The following BAZ2B variants were observed in gnomAD, a reference collection of about 807,000 sequenced individuals.
The protein encoded by BAZ2B is bromodomain adjacent to zinc finger domain protein 2B.
In BAZ2B, 91 loss-of-function variants were observed where a neutral mutation model predicts 246.0. That is an observed-to-expected ratio of 0.37 (90% CI 0.31 to 0.44). The LOEUF (loss-of-function observed/expected upper bound fraction) is 0.44, where lower values mean the gene tolerates loss of function less well. Ranked by LOEUF, BAZ2B falls within the 20% of genes least tolerant of loss-of-function variation. The pLI, the probability that BAZ2B is intolerant of heterozygous loss-of-function variation, is 1.00. For missense variants in BAZ2B, 2,332 were observed against 2,533.7 expected, an observed-to-expected ratio of 0.92 and a Z score of 1.71; for synonymous variants, 855 against 860.0, an observed-to-expected ratio of 0.99 and a Z score of 0.10.
the BAZ2B span, among the ~76,000 whole-genome samples, chr2:159,703,152 T>C: frequency 3.9e-5 from 6 of 152,028 alleles, no homozygotes; most frequent in African/African-American, 1.2e-4. Context: ...AGTGGTGCAA[T>C]CTCTACTTAC....
At chr2:159,637,506 G>T in the BAZ2B span, among the ~76,000 whole-genome samples, 1 of 152,344 alleles carries the variant, frequency 6.6e-6, no homozygotes, top group South Asian at 2.1e-4. Context: ...CCTCTATATT[G>T]TGGTTTGAGT....
chr2:159,594,633 GTTT>G (rs57735673), intron 1 of BAZ2B, among the ~76,000 whole-genome samples: 2 of 148,450 alleles, frequency 1.3e-5, no homozygotes, highest in Admixed American at 6.7e-5. Context: ...TATTTTGACA[GTTT>G]TTTTTTTTTT....
At chr2:159,476,174 G>A (rs534612925) in intron 3 of BAZ2B, among the ~76,000 whole-genome samples, 5 of 152,124 alleles carry the variant, frequency 3.3e-5, no homozygotes, top group Non-Finnish European at 5.9e-5. Flanking sequence ...CTGTCCCAGG[G>A]GTATGGGAGT....
intron 3 of BAZ2B, among the ~76,000 whole-genome samples, chr2:159,470,082 G>A (rs1004057316): frequency 4.6e-5 from 7 of 152,100 alleles, no homozygotes; most frequent in African/African-American, 1.4e-4. Flanking sequence ...ATTCTGAAAG[G>A]ATAACCCATC....
intron 1 of BAZ2B, among the ~76,000 whole-genome samples, chr2:159,579,451 C>T (rs1016726897): frequency 6.6e-6 from 1 of 152,014 alleles, no homozygotes; most frequent in African/African-American, 2.4e-5. Flanking sequence ...CCAACGAAAA[C>T]AAGTCCAGGA....
intron 4 of BAZ2B, among the ~76,000 whole-genome samples, chr2:159,449,460 T>C (rs1342060887): frequency 6.6e-6 from 1 of 152,172 alleles, no homozygotes; most frequent in Non-Finnish European, 1.5e-5. Context: ...CTTTATATTA[T>C]ATAATATTAA....
the BAZ2B span, among the ~76,000 whole-genome samples, chr2:159,648,569 C>G: frequency 0.25 from 37,483 of 152,102 alleles, 5,966 homozygotes; most frequent in Admixed American, 0.43. Flanking sequence ...TAAATAAGAT[C>G]ATATACTATG....
chr2:159,382,789 G>T lies in BAZ2B; in HGVS notation c.3775C>A (p.His1259Asn). The change falls in exon 25 of 37, where the codon CAT (histidine) becomes AAT (asparagine). Residue 1259 changes from histidine (H) to asparagine (N), a missense_variant. His to Asn is a moderately conservative substitution (Grantham distance 68, BLOSUM62 1). This residue lies in a region of BAZ2B where 328 missense variants were observed against 410.4 expected (regional missense o/e 0.80). Transcript: ENST00000392783. ...EGKLRKLRII[H>N]AKKTGKRDTS... The stretch of plus-strand genomic sequence containing the variant: ...TCTCTTTTGCCTGTTTTCTTAGCAT[G>T]AATGATTCTGAGCCTTTAAATATTA... 6.2e-7 allele frequency: 1 copy of T among 1,613,078 alleles called. No homozygotes were observed. Among genetic ancestry groups the T allele is most frequent in the Non-Finnish European group, 8.5e-7 (1 of 1,179,390 alleles).
chr2:159,368,671 T>C (rs1342037964), intron 27 of BAZ2B, among the ~76,000 whole-genome samples: 1 of 152,176 alleles, frequency 6.6e-6, no homozygotes, highest in Non-Finnish European at 1.5e-5. Flanking sequence ...GCTATTTATA[T>C]ATCACTTTGC....
the BAZ2B span, among the ~76,000 whole-genome samples, chr2:159,707,847 C>A: frequency 3.3e-5 from 5 of 151,078 alleles, no homozygotes; most frequent in Admixed American, 3.3e-4. Flanking sequence ...AAAAATTAGC[C>A]GGGAGTGGTG....
intron 20 of BAZ2B, chr2:159,392,176 A>G (rs1289950729): frequency 6.6e-6 from 1 of 152,200 alleles, no homozygotes; most frequent in African/African-American, 2.4e-5. Flanking sequence ...ATTAATGACG[A>G]TGAAGCAACA....
At chr2:159,509,765 G>C (rs1186739282) in intron 2 of BAZ2B, among the ~76,000 whole-genome samples, 1 of 151,864 alleles carries the variant, frequency 6.6e-6, no homozygotes, top group Non-Finnish European at 1.5e-5. Flanking sequence ...ATATGTATTT[G>C]CATATATGTA....
the BAZ2B span, among the ~76,000 whole-genome samples, chr2:159,676,521 T>G: frequency 2.6e-5 from 4 of 152,010 alleles, no homozygotes; most frequent in African/African-American, 9.7e-5. Flanking sequence ...ATTAAAAATA[T>G]GTAGTCATTT....
the BAZ2B span, among the ~76,000 whole-genome samples, chr2:159,643,876 CAAA>C: frequency 1.4e-4 from 9 of 65,888 alleles, no homozygotes; most frequent in South Asian, 5.9e-4. Context: ...AACTCCATCA[CAAA>C]AAAAAAAAAA....
intron 1 of BAZ2B, among the ~76,000 whole-genome samples, chr2:159,612,156 A>C (rs1017308245): frequency 2.0e-5 from 3 of 152,000 alleles, no homozygotes; most frequent in Non-Finnish European, 4.4e-5. Flanking sequence ...TTTTTAAATA[A>C]CATTTTAGCC....
At chr2:159,382,498 C>G (rs1266425076) in intron 25 of BAZ2B, 61 bp downstream of exon 25, 10 of 1,478,078 alleles carry the variant, frequency 6.8e-6, no homozygotes, top group Non-Finnish European at 9.0e-6. Context: ...ACTCCAAATT[C>G]TGTTTTTAAA....
At chr2:159,647,604 G>A in the BAZ2B span, among the ~76,000 whole-genome samples, 2 of 152,130 alleles carry the variant, frequency 1.3e-5, no homozygotes, top group Non-Finnish European at 2.9e-5. Context: ...AACCATCACA[G>A]TTAGCCAATT....
At chr2:159,477,606 TATC>T (rs2078750819) in intron 3 of BAZ2B, among the ~76,000 whole-genome samples, 1 of 152,054 alleles carries the variant, frequency 6.6e-6, no homozygotes, top group Non-Finnish European at 1.5e-5. Context: ...ATAAGAAAAA[TATC>T]ATTTAGTTTA....
chr2:159,316,161 A>G (rs565877485), downstream of BAZ2B, among the ~76,000 whole-genome samples: 1 of 152,318 alleles, frequency 6.6e-6, no homozygotes, highest in South Asian at 2.1e-4. Context: ...TGAACTGAAG[A>G]ATAAAACAAA....
Sources: gnomAD v4.1 joint callset for allele counts (sites outside exome capture counted in the v4.1 genomes callset) on GRCh38, gnomAD v4.1.1 for gene constraint, gnomAD v4.1.1 regional missense constraint, MANE v1.5 for transcripts, NCBI Gene and HGNC (gene_info 2026-07-23, HGNC 2026-07-21) for gene names.